The following ZDHHC21 variants were observed in gnomAD, a reference collection of about 807,000 sequenced individuals.
ZDHHC21 encodes zDHHC palmitoyltransferase 21.
In ZDHHC21, 15 loss-of-function variants were observed where a neutral mutation model predicts 34.6. That is an observed-to-expected ratio of 0.43 (90% CI 0.29 to 0.67). The LOEUF is 0.67. ZDHHC21 is among the 30% of genes least tolerant of loss of function. ZDHHC21 has a pLI of 0.14. For missense variants in ZDHHC21, 344 were observed against 327.7 expected, an observed-to-expected ratio of 1.05 and a Z score of -0.38; for synonymous variants, 142 against 101.8, an observed-to-expected ratio of 1.40 and a Z score of -2.38.
At chr9:14,609,126 A>G (rs1270169342), downstream of ZDHHC21, among the ~76,000 whole-genome samples, 1 of 151,982 alleles carries the variant, frequency 6.6e-6, no homozygotes, top group Non-Finnish European at 1.5e-5. Flanking sequence ...AAACCACACT[A>G]TCGCTTAAAA....
At chr9:14,653,699 A>G (rs1471416867) in intron 7 of ZDHHC21, among the ~76,000 whole-genome samples, 1 of 152,002 alleles carries the variant, frequency 6.6e-6, no homozygotes, top group Non-Finnish European at 1.5e-5. Flanking sequence ...TGCACTGCAC[A>G]ACTCCACAGG....
At chr9:14,654,451 A>G (rs1237411268) in intron 7 of ZDHHC21, among the ~76,000 whole-genome samples, 3 of 152,084 alleles carry the variant, frequency 2.0e-5, no homozygotes, top group African/African-American at 4.8e-5. Flanking sequence ...ACTTTCTACA[A>G]TTTGTCATGC....
intron 8 of ZDHHC21, among the ~76,000 whole-genome samples, chr9:14,620,530 C>T (rs1016120212): frequency 1.3e-5 from 2 of 148,772 alleles, no homozygotes; most frequent in Non-Finnish European, 3.0e-5. Flanking sequence ...TTATCCCTTA[C>T]TTTACCTTAA....
the ZDHHC21 span, among the ~76,000 whole-genome samples, chr9:14,605,103 C>T: frequency 1.3e-5 from 2 of 152,054 alleles, no homozygotes; most frequent in Admixed American, 1.3e-4. Context: ...TAAATTCATT[C>T]AACCATCAAT....
chr9:14,675,778 A>G (rs573018200), intron 3 of ZDHHC21, among the ~76,000 whole-genome samples: 68 of 152,146 alleles, frequency 4.5e-4, no homozygotes, highest in Non-Finnish European at 8.8e-4. Flanking sequence ...GGCACAGAAG[A>G]TGGGACCAGT....
intron 1 of ZDHHC21, 98 bp downstream of exon 1, chr9:14,693,131 G>A (rs1455508374): frequency 2.8e-5 from 6 of 215,804 alleles, no homozygotes; most frequent in South Asian, 1.4e-4. Flanking sequence ...GCGGCGGGCG[G>A]GCCCGGCAGA....
chr9:14,624,343 C>T (rs1009674042), intron 8 of ZDHHC21, among the ~76,000 whole-genome samples: 2 of 151,874 alleles, frequency 1.3e-5, no homozygotes, highest in African/African-American at 4.8e-5. Flanking sequence ...ACTGTATATT[C>T]AAAGGAATAA....
At chr9:14,608,079 C>T (rs1361517343), downstream of ZDHHC21, among the ~76,000 whole-genome samples, 1 of 152,132 alleles carries the variant, frequency 6.6e-6, no homozygotes, top group Admixed American at 6.5e-5. Flanking sequence ...ATCCAAAAAC[C>T]CTTCATACTG....
chr9:14,604,890 C>G, the ZDHHC21 span, among the ~76,000 whole-genome samples: 1 of 152,180 alleles, frequency 6.6e-6, no homozygotes, highest in Admixed American at 6.5e-5. Context: ...CCCCTCCCCA[C>G]AGCAGCCACC....
At position 14,639,117 on chromosome 9, in the gene ZDHHC21, C is replaced by G. The variant is rs144514858; in HGVS notation, c.621+779G>C. Among the ~76,000 whole-genome samples the G allele has an allele frequency of 1.3e-3, 193 of 152,090 alleles. 2 individuals carry two copies. The Middle Eastern group carries it at 0.034, about 27-fold the overall frequency. On this transcript the variant is annotated intron_variant, in intron 8 of 9. Coordinates refer to ENST00000380916, the MANE Select transcript of ZDHHC21 (RefSeq NM_178566.6). Reference sequence around the variant, plus strand: ...ATAGGAAATCAACCTAAGTGTCTATCAACAGATGAATGAATTTTAAAAATC... The same window carrying G: ...ATAGGAAATCAACCTAAGTGTCTATGAACAGATGAATGAATTTTAAAAATC...
At chr9:14,625,532 A>G (rs1309946561) in intron 8 of ZDHHC21, among the ~76,000 whole-genome samples, 1 of 152,002 alleles carries the variant, frequency 6.6e-6, no homozygotes, top group Admixed American at 6.6e-5. Flanking sequence ...TCCATTTCCA[A>G]ATAATAACGC....
downstream of ZDHHC21, among the ~76,000 whole-genome samples, chr9:14,607,507 T>A (rs554706861): frequency 4.6e-5 from 7 of 151,846 alleles, no homozygotes; most frequent in South Asian, 8.3e-4. Flanking sequence ...GGGAGTGCAA[T>A]GATGCACACC....
rs370682046 is a variant in ZDHHC21 at position 14,618,974 on chromosome 9, G to A, written c.790C>T (p.His264Tyr). 6 of 1,608,572 alleles carry A rather than the reference G, an allele frequency of 3.7e-6. No individual in the cohort carries two copies. In the African/African-American group the frequency reaches 6.7e-5, roughly 18 times the overall value. ...GCCCACCATCCATCTGTTTAGACAT[G>A]ATTGGCAAAGTGGTAGGGAACTCGC... ...PLRVPYHFANHV is the reference protein window; with the variant it reads ...PLRVPYHFANYV Residue 264 changes from histidine (H) to tyrosine (Y), a missense_variant, in exon 10 of 10, where the codon CAT (histidine) becomes TAT (tyrosine). Physicochemically the swap from His to Tyr is moderately conservative, Grantham distance 83. Transcript: ENST00000380916.
intron 7 of ZDHHC21, among the ~76,000 whole-genome samples, chr9:14,640,365 A>G (rs1829131387): frequency 6.6e-6 from 1 of 151,558 alleles, no homozygotes; most frequent in Non-Finnish European, 1.5e-5. Context: ...AACAAAACAC[A>G]GATGGTTGTA....
intron 2 of ZDHHC21, among the ~76,000 whole-genome samples, chr9:14,687,980 TTC>T (rs1838593546): frequency 6.6e-6 from 1 of 150,962 alleles, no homozygotes. Flanking sequence ...ACTTTTTGAC[TTC>T]TGATATCATT....
At position 14,674,299 on chromosome 9, in the gene ZDHHC21, C is replaced by G. The variant is rs1489882034; in HGVS notation, c.42G>C (p.Trp14Cys). The change falls in exon 4 of 10, where the codon TGG becomes TGC. Residue 14 changes from tryptophan (W) to cysteine (C), a missense_variant. Trp to Cys is a radical substitution (Grantham distance 215). Transcript: ENST00000380916. ...CAAAGACAATCAAACCCATGCAGCA[C>G]CAACCATGTGGGTCAACAACAAAGT... The part of the protein sequence containing the change: ...RIHFVVDPHG[W>C]CCMGLIVFVW... 1 of 1,596,848 alleles carries G rather than the reference C, an allele frequency of 6.3e-7. No homozygotes were observed. The highest frequency in any genetic ancestry group is 8.5e-7 in the Non-Finnish European group (1 of 1,173,730).
chr9:14,604,160 G>A, the ZDHHC21 span, among the ~76,000 whole-genome samples: 2 of 152,146 alleles, frequency 1.3e-5, no homozygotes. Context: ...ATGTTGGTTG[G>A]AGTGTAAATT....
chr9:14,678,506 T>A (rs1052598717), intron 3 of ZDHHC21, among the ~76,000 whole-genome samples: 4 of 152,018 alleles, frequency 2.6e-5, no homozygotes, highest in African/African-American at 9.7e-5. Context: ...ATTGAAAAAC[T>A]TTTAGAAAGA....
At chr9:14,643,417 A>T (rs1829749629) in intron 7 of ZDHHC21, among the ~76,000 whole-genome samples, 2 of 152,090 alleles carry the variant, frequency 1.3e-5, no homozygotes, top group South Asian at 4.1e-4. Flanking sequence ...TACATTTTGG[A>T]TATTGCTATG....
Sources: allele counts gnomAD v4.1 joint callset (sites outside exome capture counted in the v4.1 genomes callset), GRCh38; gene constraint gnomAD v4.1.1; transcripts MANE v1.5; gene names NCBI Gene and HGNC (gene_info 2026-07-23, HGNC 2026-07-21).